The following DHX30 variants were observed in gnomAD, a reference collection of about 807,000 sequenced individuals.
DHX30 encodes the protein ATP-dependent RNA helicase DHX30.
In DHX30, 4 loss-of-function variants were observed where a neutral mutation model predicts 116.9. That is an observed-to-expected ratio of 0.03 (90% CI 0.02 to 0.08). DHX30 has a LOEUF of 0.08. Among genes scored for constraint, DHX30 ranks in the 10% least tolerant of loss-of-function variants. DHX30 has a pLI of 1.00. For synonymous variants in DHX30, 697 were observed against 651.7 expected, an observed-to-expected ratio of 1.07 and a Z score of -1.06; for missense variants, 871 against 1,595.1, an observed-to-expected ratio of 0.55 and a Z score of 7.73.
At chr3:47,803,943 C>G (rs1408149406) in intron 1 of DHX30, among the ~76,000 whole-genome samples, 1 of 152,182 alleles carries the variant, frequency 6.6e-6, no homozygotes, top group Admixed American at 6.6e-5. Context: ...TACAACCCCA[C>G]TCCATGAGGG....
intron 4 of DHX30, among the ~76,000 whole-genome samples, chr3:47,818,819 TG>T (rs1372268236): frequency 1.3e-5 from 2 of 152,174 alleles, no homozygotes; most frequent in African/African-American, 4.8e-5. Flanking sequence ...CCAGTGCTCC[TG>T]GAAGCCTTTT....
chr3:47,806,091 A>G (rs2035505703), intron 2 of DHX30, among the ~76,000 whole-genome samples: 1 of 151,234 alleles, frequency 6.6e-6, no homozygotes, highest in Admixed American at 6.6e-5. Flanking sequence ...TCCTTAGTTC[A>G]AGCAATTCCC....
chr3:47,823,949 TG>T (rs2036413525), intron 4 of DHX30, among the ~76,000 whole-genome samples: 1 of 151,864 alleles, frequency 6.6e-6, no homozygotes, highest in African/African-American at 2.4e-5. Flanking sequence ...GGGGCCTTTC[TG>T]TCTAGACTGT....
At chr3:47,812,781 A>G (rs1254603715) in intron 3 of DHX30, among the ~76,000 whole-genome samples, 1 of 149,528 alleles carries the variant, frequency 6.7e-6, no homozygotes, top group African/African-American at 2.5e-5. Context: ...CTCCTGCCTC[A>G]GCCTCCCGAG....
At chr3:47,808,067 C>T (rs2035614056) in intron 2 of DHX30, among the ~76,000 whole-genome samples, 1 of 151,988 alleles carries the variant, frequency 6.6e-6, no homozygotes, top group African/African-American at 2.4e-5. Context: ...TGCACCACCA[C>T]GTCCGGCTAA....
rs1357704714 is a variant in DHX30 at position 47,849,654 on chromosome 3, A to T, written c.3216A>T (p.Arg1072=). The T allele has an allele frequency of 6.2e-7, 1 of 1,614,178 alleles. No individual in the cohort carries two copies. Among genetic ancestry groups the T allele is most frequent in the South Asian group, 1.1e-5 (1 of 91,088 alleles). ...GGGAGGCCACACGGTTACGGAGCCG[A>T]TGGCTGACGTATTTCATGGCAGTCA... ...INREATRLRS[R]WLTYFMAVKS... is the part of the protein sequence containing the mutation. Residue 1072 remains arginine, a synonymous_variant, in exon 21 of 22, where the codon CGA becomes CGT. Coordinates refer to ENST00000445061, the MANE Select transcript of DHX30 (RefSeq NM_138615.3).
At chr3:47,838,941 A>C (rs2037240382) in intron 6 of DHX30, among the ~76,000 whole-genome samples, 1 of 151,690 alleles carries the variant, frequency 6.6e-6, no homozygotes, top group African/African-American at 2.4e-5. Flanking sequence ...TGGTGTGATC[A>C]TGGCTCACTG....
At chr3:47,845,545 GT>G (rs1347541901) in intron 9 of DHX30, 154 bp from the exon 10 acceptor site, 7 of 778,228 alleles carry the variant, frequency 9.0e-6, no homozygotes, top group East Asian at 3.1e-5. Flanking sequence ...CATTTTCCTA[GT>G]TCATAATTTC....
intron 6 of DHX30, among the ~76,000 whole-genome samples, chr3:47,837,246 C>T (rs562345166): frequency 2.6e-5 from 4 of 152,172 alleles, no homozygotes; most frequent in Non-Finnish European, 5.9e-5. Flanking sequence ...CTGGGCCATG[C>T]GGTAGACGGG....
chr3:47,804,946 C>G (rs756495182), intron 1 of DHX30, among the ~76,000 whole-genome samples: 6 of 152,142 alleles, frequency 3.9e-5, no homozygotes, highest in Non-Finnish European at 7.3e-5. Flanking sequence ...GTTATTTTCC[C>G]AATCTTGAAG....
intron 2 of DHX30, among the ~76,000 whole-genome samples, chr3:47,808,219 T>G (rs1040371853): frequency 1.4e-5 from 2 of 143,194 alleles, no homozygotes; most frequent in Non-Finnish European, 3.1e-5. Context: ...TTACTTTTTG[T>G]TTTTTTTTTT....
At chr3:47,849,429 G>A (rs753201065) in intron 19 of DHX30, 22 bp from the exon 20 acceptor site, 52 of 1,571,096 alleles carry the variant, frequency 3.3e-5, no homozygotes, top group Middle Eastern at 1.7e-4. Context: ...AGCCCCACCC[G>A]TCTTTTCCTC....
At position 47,841,163 on chromosome 3, in the gene DHX30, C is replaced by T. The variant is rs753911186; in HGVS notation, c.653C>T (p.Pro218Leu). The T allele has an allele frequency of 1.9e-6, 3 of 1,613,730 alleles. No homozygotes were observed. Among genetic ancestry groups the T allele is most frequent in the East Asian group, 4.5e-5 (2 of 44,900 alleles). ...ATGACCCAGCAGGATTCCCACGCTCCACTCAGGGACTCAAGGTACAGATGG... is the reference window on the plus strand; with the variant it reads ...ATGACCCAGCAGGATTCCCACGCTCTACTCAGGGACTCAAGGTACAGATGG... ...LSMTQQDSHA[P>L]LRDSRGSSFE... Residue 218 changes from proline (P) to leucine (L), a missense_variant, in exon 7 of 22, where the codon CCA becomes CTA. Physicochemically the swap from Pro to Leu is moderately conservative, Grantham distance 98. This residue lies in a region of DHX30 where 109 missense variants were observed against 118.8 expected (regional missense o/e 0.92). Transcript: ENST00000445061.
At chr3:47,836,355 C>T (rs2037115123) in intron 6 of DHX30, among the ~76,000 whole-genome samples, 1 of 151,914 alleles carries the variant, frequency 6.6e-6, no homozygotes, top group South Asian at 2.1e-4. Context: ...GTCTCAAAGT[C>T]TCCTGACCTT....
At chr3:47,839,447 A>G (rs1394531925) in intron 6 of DHX30, among the ~76,000 whole-genome samples, 1 of 151,578 alleles carries the variant, frequency 6.6e-6, no homozygotes, top group East Asian at 2.0e-4. Flanking sequence ...GGCATGCACC[A>G]CCATGCCCAG....
At chr3:47,842,358 A>C (rs567411289) in intron 8 of DHX30, 8 of 152,886 alleles carry the variant, frequency 5.2e-5, no homozygotes, top group Non-Finnish European at 8.8e-5. Context: ...AATTTTCTCC[A>C]AGAGATAACA....
At chr3:47,822,874 A>G (rs146004699) in intron 4 of DHX30, among the ~76,000 whole-genome samples, 6 of 152,234 alleles carry the variant, frequency 3.9e-5, no homozygotes, top group Admixed American at 2.6e-4. Context: ...AAGGCGAATC[A>G]TGAGGTCAGG....
chr3:47,849,822 G>C, intron 21 of DHX30, 45 bp from the exon 22 acceptor site: 1 of 1,608,888 alleles, frequency 6.2e-7, no homozygotes, highest in Non-Finnish European at 8.5e-7. Context: ...CTCCTCCGGG[G>C]CCTGGCCTCA....
chr3:47,811,212 C>CA (rs2035773958), intron 3 of DHX30, among the ~76,000 whole-genome samples: 3 of 152,042 alleles, frequency 2.0e-5, no homozygotes, highest in Non-Finnish European at 4.4e-5. Flanking sequence ...CCTCGGCCTC[C>CA]CAAAGTGCTG....
Sources: allele counts gnomAD v4.1 joint callset (sites outside exome capture counted in the v4.1 genomes callset), GRCh38; gene constraint gnomAD v4.1.1; regional missense constraint gnomAD v4.1.1; transcripts MANE v1.5; gene names NCBI Gene and HGNC (gene_info 2026-07-23, HGNC 2026-07-21).